The following PNPLA7 variants were observed in gnomAD, a reference collection of about 807,000 sequenced individuals.
PNPLA7 encodes the protein patatin like domain 7, lysophospholipase.
Under a neutral mutation model 161.7 loss-of-function variants are expected in PNPLA7, and 153 were observed. That is an observed-to-expected ratio of 0.95 (90% CI 0.83 to 1.08). The LOEUF is 1.08. Among genes scored for constraint, PNPLA7 ranks in the 50% least tolerant of loss-of-function variants. The probability of loss-of-function intolerance (pLI) is 0.00; values close to 1 mark genes in which losing one functional copy is unlikely to be tolerated. For synonymous variants in PNPLA7, 809 were observed against 782.1 expected, an observed-to-expected ratio of 1.03 and a Z score of -0.57; for missense variants, 1,739 against 1,856.6, an observed-to-expected ratio of 0.94 and a Z score of 1.16.
Position 137,462,809 on chromosome 9 carries a change from G to T in PNPLA7, c.3368C>A (p.Ala1123Glu). 1 of 1,613,726 alleles carries T rather than the reference G, an allele frequency of 6.2e-7. No homozygotes were observed. Among genetic ancestry groups the T allele is most frequent in the Non-Finnish European group, 8.5e-7 (1 of 1,179,932 alleles). ...LPADVARSMG[A>E]KVVIAIDVGS... Reference sequence around the variant, plus strand: ...CACGTCAATGGCGATCACCACTTTTGCCCCCATGGACCGGGCCACATCCGC... The same window carrying T: ...CACGTCAATGGCGATCACCACTTTTTCCCCCATGGACCGGGCCACATCCGC... Residue 1123 changes from alanine (A) to glutamate (E), a missense_variant, in exon 30 of 35, where the codon GCA becomes GAA. This residue lies in a region of PNPLA7 where 703 missense variants were observed against 694.6 expected (regional missense o/e 1.01). Transcript: ENST00000406427.
intron 12 of PNPLA7, among the ~76,000 whole-genome samples, chr9:137,507,379 G>A (rs1023606390): frequency 6.6e-6 from 1 of 152,236 alleles, no homozygotes; most frequent in Non-Finnish European, 1.5e-5. Flanking sequence ...ACGTCAACAA[G>A]CATGTAGCTA....
Position 137,519,289 on chromosome 9 carries a change from C to T in PNPLA7, c.1084+628G>A, listed in dbSNP as rs528113816. Among the ~76,000 whole-genome samples, 24 of 152,336 alleles carry T rather than the reference C, an allele frequency of 1.6e-4. No individual in the cohort carries two copies. In the South Asian group the frequency reaches 4.3e-3, roughly 28 times the overall value. ...GTCGTGGGGTGACTCATGCAGTGCACGCCGCACCCGACCGCTTCCTCCTCA... is the reference window on the plus strand; with the variant it reads ...GTCGTGGGGTGACTCATGCAGTGCATGCCGCACCCGACCGCTTCCTCCTCA... On this transcript the variant is annotated intron_variant, in intron 11 of 34. Transcript: ENST00000406427.
intron 23 of PNPLA7, 126 bp downstream of exon 23, chr9:137,480,186 C>A: frequency 7.6e-7 from 1 of 1,320,218 alleles, no homozygotes; most frequent in Non-Finnish European, 1.0e-6. Flanking sequence ...TAGCAGATAT[C>A]TGAGTGTTGG....
chr9:137,517,700 C>T (rs1425528333), intron 11 of PNPLA7, among the ~76,000 whole-genome samples: 5 of 87,486 alleles, frequency 5.7e-5, no homozygotes, highest in African/African-American at 1.2e-4. Flanking sequence ...TCCACTCTGT[C>T]CACTCCATCC....
At chr9:137,493,892 T>C (rs1832901440) in intron 19 of PNPLA7, among the ~76,000 whole-genome samples, 1 of 152,146 alleles carries the variant, frequency 6.6e-6, no homozygotes, top group African/African-American at 2.4e-5. Context: ...AGTGGGCAAG[T>C]ACAGCAAGCG....
intron 8 of PNPLA7, among the ~76,000 whole-genome samples, chr9:137,525,041 T>G (rs963444796): frequency 6.6e-6 from 1 of 152,224 alleles, no homozygotes; most frequent in Non-Finnish European, 1.5e-5. Context: ...AGCAGGTGAC[T>G]CCTGGCGGCA....
Position 137,546,902 on chromosome 9 carries a change from T to C in PNPLA7, c.201A>G (p.Ala67=). 1 of 1,613,820 alleles carries C rather than the reference T, an allele frequency of 6.2e-7. No homozygotes were observed. The highest frequency in any genetic ancestry group is 8.5e-7 in the Non-Finnish European group (1 of 1,179,960). Reference sequence around the variant, plus strand: ...GGAACCGGTACTGAGGAGTGGGCTGTGCTTGTCCTGCAGGGGAGTAAAGGG... The same window carrying C: ...GGAACCGGTACTGAGGAGTGGGCTGCGCTTGTCCTGCAGGGGAGTAAAGGG... ...MFRRLRQFRQ[A]QPTPQYRFRK... The change falls in exon 4 of 35, where the codon GCA becomes GCG. Residue 67 remains alanine (A), a synonymous_variant. Coordinates refer to ENST00000406427, the MANE Select transcript of PNPLA7 (RefSeq NM_001098537.3).
intron 25 of PNPLA7, among the ~76,000 whole-genome samples, chr9:137,469,796 C>T (rs528714519): frequency 4.6e-5 from 7 of 152,038 alleles, no homozygotes; most frequent in Admixed American, 6.5e-5. Context: ...CGGGTGAAGC[C>T]GATCAAGGAA....
At chr9:137,526,614 A>C (rs577974556) in intron 8 of PNPLA7, among the ~76,000 whole-genome samples, 20 of 152,134 alleles carry the variant, frequency 1.3e-4, no homozygotes, top group Admixed American at 5.9e-4. Context: ...GAATTGTTCT[A>C]GAATATTGAA....
At chr9:137,550,088 A>G in intron 1 of PNPLA7, 80 bp downstream of exon 1, 1 of 1,560,082 alleles carries the variant, frequency 6.4e-7, no homozygotes, top group Non-Finnish European at 8.8e-7. Flanking sequence ...GGCAGAGCAG[A>G]CGCCAAGAGG....
At chr9:137,495,243 A>T (rs1832990754) in intron 18 of PNPLA7, 97 bp from the exon 19 acceptor site, 2 of 775,858 alleles carry the variant, frequency 2.6e-6, no homozygotes, top group African/African-American at 3.5e-5. Flanking sequence ...AGAGCCACAC[A>T]TGACACCCCA....
In PNPLA7 at chr9:137,479,176, C is replaced by T. The variant is rs1436447914; in HGVS notation, c.2643G>A (p.Arg881=). Reference sequence around the variant, plus strand: ...TGCGCGCTGGCGCCGGGCCCTCCTCCCTGTGCAGCAGGATCAGCTGCTTCT... The same window carrying T: ...TGCGCGCTGGCGCCGGGCCCTCCTCTCTGTGCAGCAGGATCAGCTGCTTCT... ...RAQKQLILLH[R]EEGPAPARTV... Residue 881 remains arginine, a synonymous_variant, in exon 24 of 35, where the codon AGG becomes AGA. Coordinates refer to ENST00000406427, the MANE Select transcript of PNPLA7 (RefSeq NM_001098537.3). 1.9e-6 allele frequency: 3 copies of T among 1,567,218 alleles called. No homozygotes were observed. The highest frequency in any genetic ancestry group is 1.2e-5 in the South Asian group (1 of 85,462).
At chr9:137,522,565 A>G (rs1835083164) in intron 9 of PNPLA7, among the ~76,000 whole-genome samples, 164 bp downstream of exon 9, 1 of 152,226 alleles carries the variant, frequency 6.6e-6, no homozygotes, top group African/African-American at 2.4e-5. Context: ...AAGTCCCGCC[A>G]ATGAAGTTGA....
At chr9:137,495,588 T>C (rs567736056) in intron 18 of PNPLA7, among the ~76,000 whole-genome samples, 2,452 of 152,168 alleles carry the variant, frequency 0.016, 67 homozygotes, top group African/African-American at 0.057. Flanking sequence ...TGACCACAGA[T>C]GCCCACCACC....
chr9:137,480,395 T>C lies in PNPLA7; in HGVS notation c.2497A>G (p.Thr833Ala), dbSNP rs772460486. The change falls in exon 23 of 35, where the codon ACA becomes GCA. Residue 833 changes from threonine to alanine, a missense_variant. Thr to Ala is a moderately conservative substitution (Grantham distance 58). Around this residue, in one of 6 missense-constraint regions of PNPLA7, gnomAD observed 192 missense variants for 249.5 expected, o/e 0.77. Coordinates refer to ENST00000406427, the MANE Select transcript of PNPLA7 (RefSeq NM_001098537.3). The stretch of plus-strand genomic sequence containing the variant: ...CGCACGCAGCGCTGGGTCCAGGGTG[T>C]GAGCGTGCCATCTGCCTGGTAGAGC... The part of the protein sequence containing the change: ...IVLYQADGTL[T>A]PWTQRCVRQA... 6.2e-7 allele frequency: 1 copy of C among 1,613,546 alleles called. No homozygotes were observed.
chr9:137,500,603 G>T lies in PNPLA7; in HGVS notation c.1757+88C>A. 2 of 1,225,842 alleles carry T rather than the reference G, an allele frequency of 1.6e-6. No homozygotes were observed. Among genetic ancestry groups the T allele is most frequent in the Non-Finnish European group, 2.3e-6 (2 of 862,356 alleles). The allele number at this position is 1,225,842 out of a possible 1,614,324, so 75.9% of individuals were successfully genotyped here. On this transcript the variant is annotated intron_variant, in intron 16 of 34. Coordinates refer to ENST00000406427, the MANE Select transcript of PNPLA7 (RefSeq NM_001098537.3). The surrounding 1 kb of genome is among the most constrained non-coding windows in gnomAD (Gnocchi z 5.5). ...CCGAGAAGCAGGGAAGAGGGTGAGAGCACCAGGAAGAGGCCGGCCACGCGG... is the reference window on the plus strand; with the variant it reads ...CCGAGAAGCAGGGAAGAGGGTGAGATCACCAGGAAGAGGCCGGCCACGCGG...
At chr9:137,461,252 T>C in intron 33 of PNPLA7, 1 of 408,800 alleles carries the variant, frequency 2.4e-6, no homozygotes, top group Non-Finnish European at 4.5e-6. Context: ...CTGGGTGGGG[T>C]GGGAGGCAAA....
chr9:137,549,443 G>A (rs1284657394), intron 1 of PNPLA7, among the ~76,000 whole-genome samples: 12 of 151,676 alleles, frequency 7.9e-5, no homozygotes, highest in Admixed American at 7.2e-4. Flanking sequence ...GGTGGTGGGC[G>A]CCTGTAGTCC....
chr9:137,479,824 T>C (rs1832121842), intron 23 of PNPLA7: 2 of 985,336 alleles, frequency 2.0e-6, no homozygotes, highest in Admixed American at 6.1e-5. Context: ...AGACACAGCC[T>C]GGGGCCAGCG....
Sources: allele counts gnomAD v4.1 joint callset (sites outside exome capture counted in the v4.1 genomes callset), GRCh38; gene constraint gnomAD v4.1.1; regional missense constraint gnomAD v4.1.1; non-coding constraint Gnocchi (gnomAD v3.1); transcripts MANE v1.5; gene names NCBI Gene and HGNC (gene_info 2026-07-23, HGNC 2026-07-21).